Variants in GPC6 observed in about 807,000 individuals in gnomAD.
GPC6 encodes the protein glypican-6.
Under a neutral mutation model 55.2 loss-of-function variants are expected in GPC6, and 14 were observed. That is an observed-to-expected ratio of 0.25 (90% confidence interval 0.17 to 0.40). The LOEUF is 0.40. Ranked by LOEUF, GPC6 falls within the 10% of genes least tolerant of loss-of-function variation. The probability of loss-of-function intolerance (pLI) is 1.00; values close to 1 mark genes in which losing one functional copy is unlikely to be tolerated. For synonymous variants in GPC6, 278 were observed against 259.6 expected (o/e 1.07, Z -0.68); for missense variants, 641 against 708.5 (o/e 0.90, Z 1.08).
intron 2 of GPC6, among the ~76,000 whole-genome samples, chr13:93,804,343 A>G (rs982630732): frequency 1.3e-5 from 2 of 152,168 alleles, no homozygotes; most frequent in African/African-American, 4.8e-5. Context: ...TTGTTTACAT[A>G]TAAGTAAGGA....
intron 1 of GPC6, among the ~76,000 whole-genome samples, chr13:93,486,704 TGG>T (rs1346570052): frequency 6.6e-6 from 1 of 152,136 alleles, no homozygotes; most frequent in Non-Finnish European, 1.5e-5. Flanking sequence ...CCCAGCACTT[TGG>T]GAGGCCAAGG....
intron 6 of GPC6, among the ~76,000 whole-genome samples, chr13:94,360,185 A>G (rs1878991513): frequency 6.6e-6 from 1 of 152,148 alleles, no homozygotes; most frequent in African/African-American, 2.4e-5. Context: ...AGCCAGGAGG[A>G]GTTTTTAGGA....
Position 94,281,210 on chromosome 13 carries a change from C to A in GPC6, c.878-5139C>A, listed in dbSNP as rs557590243. Among the ~76,000 whole-genome samples the A allele has an allele frequency of 7.9e-5, 12 of 152,132 alleles. No individual in the cohort carries two copies. In the South Asian group the frequency reaches 2.3e-3, roughly 29 times the overall value. ...ATTTTTTAAATTTTACTTTAAGTTC[C>A]AAGACACATGTGCAGAATGTGCAGG... On this transcript the variant is annotated intron_variant, in intron 4 of 8. Coordinates refer to ENST00000377047, the MANE Select transcript of GPC6 (RefSeq NM_005708.5).
At chr13:94,023,341 A>AT (rs1566300459) in intron 3 of GPC6, among the ~76,000 whole-genome samples, 1 of 151,818 alleles carries the variant, frequency 6.6e-6, no homozygotes, top group East Asian at 1.9e-4. Flanking sequence ...TACACAAACC[A>AT]GTTGGTGGAT....
chr13:93,651,169 T>C (rs1880391733), intron 2 of GPC6, among the ~76,000 whole-genome samples: 1 of 152,020 alleles, frequency 6.6e-6, no homozygotes, highest in Non-Finnish European at 1.5e-5. Flanking sequence ...ACTTTAAAAA[T>C]GCAGAAGATT....
At chr13:93,255,398 A>G (rs1448766055) in intron 1 of GPC6, among the ~76,000 whole-genome samples, 1 of 152,168 alleles carries the variant, frequency 6.6e-6, no homozygotes, top group Non-Finnish European at 1.5e-5. Flanking sequence ...ATTATAAACC[A>G]TAGTCACCAT....
At chr13:94,392,183 T>C (rs553522274) in intron 7 of GPC6, among the ~76,000 whole-genome samples, 4 of 152,276 alleles carry the variant, frequency 2.6e-5, no homozygotes, top group African/African-American at 7.2e-5. Context: ...GTACCATTAT[T>C]CATGTATATA....
chr13:93,314,831 C>G (rs17267620), intron 1 of GPC6, among the ~76,000 whole-genome samples: 17,320 of 151,704 alleles, frequency 0.11, 1,310 homozygotes, highest in Non-Finnish European at 0.17. Context: ...GAAGATTAAT[C>G]TGGGAGTAAA....
intron 4 of GPC6, among the ~76,000 whole-genome samples, chr13:94,269,535 T>A (rs1389710377): frequency 6.6e-6 from 1 of 152,202 alleles, no homozygotes. Flanking sequence ...TCTGCAGTCC[T>A]TCTGTCTTTT....
intron 2 of GPC6, among the ~76,000 whole-genome samples, chr13:93,697,173 A>G (rs1428305295): frequency 6.6e-6 from 1 of 152,034 alleles, no homozygotes; most frequent in East Asian, 1.9e-4. Context: ...TTTCCTTTGG[A>G]TATCAGCTCT....
chr13:93,383,893 T>A (rs1875286615), intron 1 of GPC6, among the ~76,000 whole-genome samples: 1 of 152,140 alleles, frequency 6.6e-6, no homozygotes, highest in African/African-American at 2.4e-5. Flanking sequence ...TTTTATTTAG[T>A]CTTGGTACCT....
At position 93,276,487 on chromosome 13, in the gene GPC6, A is replaced by C. The variant is rs1157005503; in HGVS notation, c.160+48871A>C. Among the ~76,000 whole-genome samples, 3 of 135,786 alleles carry C rather than the reference A, an allele frequency of 2.2e-5. No individual in the cohort carries two copies. In the East Asian group the frequency reaches 6.4e-4, roughly 29 times the overall value. 89.1% of individuals were successfully genotyped at this position (135,786 alleles called of 152,430 possible). ...GAGAGAGAGAGAGAGAGAGAGAGAG[A>C]GAGAGAGAGTGTGTGTGTGTGTGTG... On this transcript the variant is annotated intron_variant, in intron 1 of 8. Coordinates refer to ENST00000377047, the MANE Select transcript of GPC6 (RefSeq NM_005708.5).
At position 94,148,961 on chromosome 13, in the gene GPC6, T is replaced by TAC. The variant is rs1013887587; in HGVS notation, c.877+121077_877+121078dup. ...AACTTAGCATGATGCCTAACACACA[T>TAC]ACACACACACAAAAATTGAGTAAAC... On this transcript the variant is annotated intron_variant, in intron 4 of 8. Transcript: ENST00000377047. Among the ~76,000 whole-genome samples, 43 of 151,946 alleles carry TAC rather than the reference T, an allele frequency of 2.8e-4. 1 individual carries two copies. The highest frequency in any genetic ancestry group is 1.0e-3 in the African/African-American group (43 of 41,484).
chr13:94,320,266 C>T (rs1174557416), intron 6 of GPC6, among the ~76,000 whole-genome samples: 6 of 152,014 alleles, frequency 3.9e-5, no homozygotes, highest in Non-Finnish European at 5.9e-5. Context: ...CAATAGTATC[C>T]GCCTCCTCAT....
chr13:94,329,394 C>T (rs1386004375), intron 6 of GPC6, among the ~76,000 whole-genome samples: 1 of 152,156 alleles, frequency 6.6e-6, no homozygotes, highest in Non-Finnish European at 1.5e-5. Context: ...TTCCCAGCAG[C>T]AGATCTGTGC....
intron 1 of GPC6, among the ~76,000 whole-genome samples, chr13:93,391,655 T>C (rs1875635296): frequency 6.6e-6 from 1 of 152,172 alleles, no homozygotes; most frequent in Non-Finnish European, 1.5e-5. Flanking sequence ...GCCATGGCTC[T>C]TTTTGAGTTT....
At chr13:94,051,398 C>G (rs1243558739) in intron 4 of GPC6, among the ~76,000 whole-genome samples, 1 of 152,168 alleles carries the variant, frequency 6.6e-6, no homozygotes, top group Non-Finnish European at 1.5e-5. Flanking sequence ...GCTGCTTTAA[C>G]AGCTTGGCAG....
chr13:93,376,991 C>G (rs1160123885), intron 1 of GPC6, among the ~76,000 whole-genome samples: 2 of 152,110 alleles, frequency 1.3e-5, no homozygotes, highest in South Asian at 2.1e-4. Context: ...CTTTTTCCCA[C>G]TAAATAATTT....
chr13:93,589,184 AC>A (rs5805811), intron 2 of GPC6, among the ~76,000 whole-genome samples: 24,959 of 151,974 alleles, frequency 0.16, 5,128 homozygotes, highest in African/African-American at 0.49. Context: ...ACATTTTATT[AC>A]CTTTGCTTTT....
Sources: gnomAD v4.1 joint callset for allele counts (sites outside exome capture counted in the v4.1 genomes callset) on GRCh38, gnomAD v4.1.1 for gene constraint, MANE v1.5 for transcripts, NCBI Gene and HGNC (gene_info 2026-07-23, HGNC 2026-07-21) for gene names.